MACROD2: variants seen among roughly 807,000 people sequenced by gnomAD.
The protein encoded by MACROD2 is mono-ADP ribosylhydrolase 2.
MACROD2 carries 36 observed loss-of-function variants against 70.4 expected under a neutral mutation model. That is an observed-to-expected ratio of 0.51 (90% CI 0.39 to 0.68). MACROD2 has a LOEUF of 0.68. MACROD2 is among the 30% of genes least tolerant of loss of function. The pLI is 0.00. For synonymous variants in MACROD2, 172 were observed against 178.8 expected (o/e 0.96, Z 0.30); for missense variants, 496 against 538.4 (o/e 0.92, Z 0.78).
intron 6 of MACROD2, among the ~76,000 whole-genome samples, chr20:15,380,076 T>C (rs1377469979): frequency 6.6e-6 from 1 of 152,168 alleles, no homozygotes; most frequent in Non-Finnish European, 1.5e-5. Context: ...GGCTCCTTCC[T>C]GTAAATCAGG....
chr20:14,992,923 C>T (rs2074917758), intron 5 of MACROD2, among the ~76,000 whole-genome samples: 1 of 152,132 alleles, frequency 6.6e-6, no homozygotes, highest in South Asian at 2.1e-4. Flanking sequence ...TCCTGTGATT[C>T]CACTAGAAAT....
chr20:14,109,910 T>TA (rs376716569), intron 3 of MACROD2, among the ~76,000 whole-genome samples: 19 of 151,380 alleles, frequency 1.3e-4, no homozygotes, highest in South Asian at 1.3e-3. Flanking sequence ...GAAAGACACA[T>TA]AAAAAAAACA....
chr20:15,049,419 T>A (rs905123460), intron 5 of MACROD2, among the ~76,000 whole-genome samples: 2 of 152,030 alleles, frequency 1.3e-5, no homozygotes, highest in Non-Finnish European at 2.9e-5. Flanking sequence ...CTGTTTTCAA[T>A]AACAATTCTA....
chr20:14,844,723 A>G lies in MACROD2; in HGVS notation c.418+159764A>G, dbSNP rs535779167. On this transcript the variant is annotated intron_variant, in intron 5 of 17. Coordinates refer to ENST00000684519, the MANE Select transcript of MACROD2 (RefSeq NM_001351661.2). The stretch of plus-strand genomic sequence containing the variant: ...TAGTGTCCTAGGCAAACTGGTCCTT[A>G]TGCTTACTATAAATCAATCCAAGAC... Among the ~76,000 whole-genome samples the G allele has an allele frequency of 7.2e-5, 11 of 152,150 alleles. No individual in the cohort carries two copies. The East Asian group carries it at 2.1e-3, about 29-fold the overall frequency.
At chr20:14,228,338 CTTTTTTT>C (rs11467676) in intron 3 of MACROD2, among the ~76,000 whole-genome samples, 85,226 of 143,596 alleles carry the variant, frequency 0.59, 26,831 homozygotes, top group Non-Finnish European at 0.72. Flanking sequence ...AAATATTTTT[CTTTTTTT>C]TTTTTTTTTT....
intron 5 of MACROD2, among the ~76,000 whole-genome samples, chr20:14,853,366 G>T (rs555925345): frequency 1.3e-5 from 2 of 152,138 alleles, no homozygotes; most frequent in South Asian, 4.2e-4. Context: ...GAGTTAGGTT[G>T]CATAGGTGCT....
chr20:15,710,216 A>G (rs1041264966), intron 8 of MACROD2, among the ~76,000 whole-genome samples: 1 of 149,364 alleles, frequency 6.7e-6, no homozygotes, highest in African/African-American at 2.5e-5. Context: ...AAAAAAAACA[A>G]TTGCGGGTAA....
At position 15,152,074 on chromosome 20, in the gene MACROD2, C is replaced by G. The variant is rs538578439; in HGVS notation, c.419-77866C>G. 3.9e-5 allele frequency among the ~76,000 whole-genome samples: 6 copies of G among 151,994 alleles called. No individual in the cohort carries two copies. The East Asian group carries it at 5.8e-4, about 15-fold the overall frequency. ...ACCGATGTGTAAAAGAATGCCTGGACGTCAGGCATCTCAGACCATTTGTCC... is the reference window on the plus strand; with the variant it reads ...ACCGATGTGTAAAAGAATGCCTGGAGGTCAGGCATCTCAGACCATTTGTCC... On this transcript the variant is annotated intron_variant, in intron 5 of 17. Coordinates refer to ENST00000684519, the MANE Select transcript of MACROD2 (RefSeq NM_001351661.2).
At chr20:14,456,872 A>G (rs1248055356) in intron 3 of MACROD2, among the ~76,000 whole-genome samples, 1 of 151,306 alleles carries the variant, frequency 6.6e-6, no homozygotes, top group Non-Finnish European at 1.5e-5. Flanking sequence ...GCCCACCACC[A>G]CGCCCGGCCA....
intron 6 of MACROD2, among the ~76,000 whole-genome samples, chr20:15,279,028 T>A (rs2077419021): frequency 6.6e-6 from 1 of 152,224 alleles, no homozygotes; most frequent in Admixed American, 6.5e-5. Flanking sequence ...ATATCTGTGC[T>A]GAAATAGAGT....
chr20:14,470,242 G>A (rs1232726574), intron 3 of MACROD2, among the ~76,000 whole-genome samples: 6 of 152,080 alleles, frequency 3.9e-5, no homozygotes, highest in Non-Finnish European at 7.4e-5. Flanking sequence ...GTTTGCCGGG[G>A]TATCACCAGC....
At chr20:14,793,084 A>G (rs2072468871) in intron 5 of MACROD2, among the ~76,000 whole-genome samples, 1 of 152,070 alleles carries the variant, frequency 6.6e-6, no homozygotes, top group Non-Finnish European at 1.5e-5. Context: ...GGTCTAATGG[A>G]GATGAGGGCA....
intron 5 of MACROD2, among the ~76,000 whole-genome samples, chr20:14,759,738 G>C (rs541785684): frequency 6.6e-6 from 1 of 152,228 alleles, no homozygotes; most frequent in African/African-American, 2.4e-5. Context: ...TCAGGACGTA[G>C]ATACGCAGGT....
Position 15,526,138 on chromosome 20 carries a change from G to A in MACROD2, c.645+26291G>A, listed in dbSNP as rs146601649. Among the ~76,000 whole-genome samples the A allele has an allele frequency of 9.8e-4, 149 of 152,182 alleles. 1 individual carries two copies. Among genetic ancestry groups the A allele is most frequent in the African/African-American group, 3.4e-3 (141 of 41,516 alleles). ...ACAAAGGCAAGGACTATGGTTTTGG[G>A]GATTGTCCTTAGAATGTCTTTCCTT... On this transcript the variant is annotated intron_variant, in intron 8 of 17. Coordinates refer to ENST00000684519, the MANE Select transcript of MACROD2 (RefSeq NM_001351661.2).
rs189688760 is a variant in MACROD2 at position 14,920,062 on chromosome 20, C to T, written c.418+235103C>T. Among the ~76,000 whole-genome samples the T allele has an allele frequency of 2.3e-3, 349 of 152,246 alleles. 4 individuals carry two copies. Among genetic ancestry groups the T allele is most frequent in the African/African-American group, 8.1e-3 (336 of 41,562 alleles). On this transcript the variant is annotated intron_variant, in intron 5 of 17. Coordinates refer to ENST00000684519, the MANE Select transcript of MACROD2 (RefSeq NM_001351661.2). The stretch of plus-strand genomic sequence containing the variant: ...GTGATTTCTCTGCATCTCAAACAGC[C>T]GGCAGCCCTGCAGAAACCTCTTCCC...
intron 12 of MACROD2, among the ~76,000 whole-genome samples, chr20:15,956,654 C>T (rs976992419): frequency 1.4e-4 from 22 of 152,162 alleles, no homozygotes; most frequent in African/African-American, 4.3e-4. Context: ...TTCCCTGGAA[C>T]AGCAGCAGCG....
rs142842716 is a variant in MACROD2, at chr20:15,065,068, A to G, written c.419-164872A>G. On this transcript the variant is annotated intron_variant, in intron 5 of 17. Transcript: ENST00000684519. ...TTCTCTGTTTTCCTCATTTCTATGC[A>G]TGATGACAGATCTTGACAGTATCTT... Among the ~76,000 whole-genome samples the G allele has an allele frequency of 7.7e-3, 1,167 of 152,326 alleles. 12 individuals are homozygous for G. The highest frequency in any genetic ancestry group is 0.04 in the South Asian group (191 of 4,820).
At chr20:14,538,209 C>A (rs796729513) in intron 4 of MACROD2, among the ~76,000 whole-genome samples, 16 of 152,314 alleles carry the variant, frequency 1.1e-4, no homozygotes, top group African/African-American at 3.8e-4. Context: ...GAGCATATGA[C>A]CTGAGTAAGC....
chr20:15,059,480 T>C (rs1257302320), intron 5 of MACROD2, among the ~76,000 whole-genome samples: 2 of 152,120 alleles, frequency 1.3e-5, no homozygotes, highest in African/African-American at 4.8e-5. Context: ...CTGAGATGGG[T>C]TGTGAATATT....
Sources: allele counts gnomAD v4.1 joint callset (sites outside exome capture counted in the v4.1 genomes callset), GRCh38; gene constraint gnomAD v4.1.1; transcripts MANE v1.5; gene names NCBI Gene and HGNC (gene_info 2026-07-23, HGNC 2026-07-21).